GBE1: variants seen among roughly 807,000 people sequenced by gnomAD.
GBE1 encodes the protein 1,4-alpha-glucan-branching enzyme.
In GBE1, 70 loss-of-function variants were observed where a neutral mutation model predicts 88.8. The observed-to-expected ratio is 0.79, with a 90% CI of 0.65 to 0.96. The LOEUF is 0.96. Among genes scored for constraint, GBE1 ranks in the 40% least tolerant of loss-of-function variants. The pLI, the probability that GBE1 is intolerant of heterozygous loss-of-function variation, is 0.00. For missense variants in GBE1, 872 were observed against 871.0 expected, an observed-to-expected ratio of 1.00 and a Z score of -0.01; for synonymous variants, 284 against 300.1, an observed-to-expected ratio of 0.95 and a Z score of 0.56.
intron 1 of GBE1, among the ~76,000 whole-genome samples, chr3:81,755,973 A>T (rs761603500): frequency 2.0e-5 from 3 of 152,160 alleles, no homozygotes; most frequent in Non-Finnish European, 2.9e-5. Flanking sequence ...TTGCTAACGT[A>T]CCAAATCCAA....
intron 12 of GBE1, among the ~76,000 whole-genome samples, chr3:81,568,349 C>T (rs538860760): frequency 1.2e-4 from 18 of 152,026 alleles, no homozygotes; most frequent in Non-Finnish European, 1.5e-4. Context: ...GGTTTCATCA[C>T]GCTGGCCAGG....
At chr3:81,559,647 G>T (rs984586678) in intron 12 of GBE1, among the ~76,000 whole-genome samples, 3 of 151,862 alleles carry the variant, frequency 2.0e-5, no homozygotes, top group Non-Finnish European at 4.4e-5. Flanking sequence ...ATGCACAGAT[G>T]ATATACACTT....
At chr3:81,554,937 C>T (rs544588704) in intron 12 of GBE1, among the ~76,000 whole-genome samples, 2 of 152,186 alleles carry the variant, frequency 1.3e-5, no homozygotes, top group African/African-American at 2.4e-5. Flanking sequence ...GATGATGCTT[C>T]TATTGCTCCA....
chr3:81,687,320 A>G (rs1705455996), intron 2 of GBE1, among the ~76,000 whole-genome samples: 1 of 152,222 alleles, frequency 6.6e-6, no homozygotes, highest in African/African-American at 2.4e-5. Flanking sequence ...ACAGATGTAC[A>G]ATATTAAGGA....
intron 1 of GBE1, among the ~76,000 whole-genome samples, chr3:81,729,837 C>G (rs1163992392): frequency 1.3e-5 from 2 of 152,100 alleles, no homozygotes; most frequent in Admixed American, 1.3e-4. Flanking sequence ...CTCACCATAT[C>G]TGACTACCAT....
intron 6 of GBE1, among the ~76,000 whole-genome samples, chr3:81,644,241 T>C (rs1576182779): frequency 6.6e-6 from 1 of 151,964 alleles, no homozygotes; most frequent in Admixed American, 6.6e-5. Context: ...ATACATAGAA[T>C]GTCGATAATA....
chr3:81,704,099 A>G (rs553194368), intron 2 of GBE1, among the ~76,000 whole-genome samples: 4 of 152,086 alleles, frequency 2.6e-5, no homozygotes, highest in South Asian at 4.1e-4. Flanking sequence ...AAAGAATGAA[A>G]TTCTCATCAA....
intron 1 of GBE1, among the ~76,000 whole-genome samples, chr3:81,716,594 C>T (rs1286395569): frequency 6.6e-6 from 1 of 152,070 alleles, no homozygotes; most frequent in Non-Finnish European, 1.5e-5. Context: ...AACTCCATTT[C>T]TTTTAACAAT....
chr3:81,551,162 T>C (rs1259789969), intron 12 of GBE1, among the ~76,000 whole-genome samples: 3 of 152,216 alleles, frequency 2.0e-5, no homozygotes, highest in Non-Finnish European at 2.9e-5. Context: ...TGTTTAACTA[T>C]AACAGAAGAA....
intron 7 of GBE1, among the ~76,000 whole-genome samples, chr3:81,607,655 T>C (rs1419613705): frequency 6.6e-6 from 1 of 152,222 alleles, no homozygotes. Flanking sequence ...TTTGTGTATT[T>C]TATCTTTAAT....
chr3:81,505,197 A>G (rs1255320382), intron 14 of GBE1, among the ~76,000 whole-genome samples: 1 of 152,230 alleles, frequency 6.6e-6, no homozygotes. Context: ...TTTATATTTA[A>G]TTCTTTAATC....
chr3:81,756,591 G>A (rs186837837), intron 1 of GBE1, among the ~76,000 whole-genome samples: 8 of 152,302 alleles, frequency 5.3e-5, no homozygotes, highest in South Asian at 2.1e-4. Context: ...TACAGTGGAT[G>A]AGCATGCATA....
chr3:81,524,809 A>AG (rs1164256547), intron 14 of GBE1, among the ~76,000 whole-genome samples: 5 of 151,982 alleles, frequency 3.3e-5, no homozygotes, highest in African/African-American at 9.6e-5. Context: ...TGGTCACTAT[A>AG]GCTCTGTAGT....
intron 1 of GBE1, among the ~76,000 whole-genome samples, chr3:81,760,159 TTAAG>T (rs1417104760): frequency 6.6e-6 from 1 of 152,202 alleles, no homozygotes; most frequent in Non-Finnish European, 1.5e-5. Flanking sequence ...AATCATCTGA[TTAAG>T]TGAGGGACAG....
intron 12 of GBE1, among the ~76,000 whole-genome samples, chr3:81,541,927 TTTTA>T (rs1417315060): frequency 9.2e-5 from 14 of 152,092 alleles, no homozygotes; most frequent in Non-Finnish European, 1.8e-4. Context: ...TTTATTTTTA[TTTTA>T]TTTATTAATT....
chr3:81,694,606 C>T (rs2680269), intron 2 of GBE1, among the ~76,000 whole-genome samples: 2,047 of 152,052 alleles, frequency 0.013, 35 homozygotes, highest in African/African-American at 0.046. Context: ...GTGGAGAGTA[C>T]GGCAGAGAAG....
intron 14 of GBE1, among the ~76,000 whole-genome samples, chr3:81,516,931 G>A (rs1576128667): frequency 6.6e-6 from 1 of 151,594 alleles, no homozygotes; most frequent in African/African-American, 2.4e-5. Context: ...TTACAGATGA[G>A]CAAAGAATAT....
At chr3:81,492,819 T>G (rs1286201139) in intron 15 of GBE1, among the ~76,000 whole-genome samples, 1 of 151,388 alleles carries the variant, frequency 6.6e-6, no homozygotes, top group African/African-American at 2.4e-5. Context: ...CTCACTGCAA[T>G]CTCCGCCTCC....
chr3:81,544,916 T>G (rs929244896), intron 12 of GBE1, among the ~76,000 whole-genome samples: 6 of 152,180 alleles, frequency 3.9e-5, no homozygotes, highest in Non-Finnish European at 8.8e-5. Flanking sequence ...TTCTGTAAAC[T>G]GTAATGCATA....
Sources: gnomAD v4.1 joint callset for allele counts (sites outside exome capture counted in the v4.1 genomes callset) on GRCh38, gnomAD v4.1.1 for gene constraint, MANE v1.5 for transcripts, NCBI Gene and HGNC (gene_info 2026-07-23, HGNC 2026-07-21) for gene names.